The following NBEA variants were observed in gnomAD, a reference collection of about 807,000 sequenced individuals.
NBEA encodes lysosomal-trafficking regulator 2.
NBEA carries 44 observed loss-of-function variants against 343.4 expected under a neutral mutation model. The observed-to-expected ratio is 0.13, with a 90% CI of 0.10 to 0.16. NBEA has a LOEUF of 0.16. NBEA is among the 10% of genes least tolerant of loss of function. The pLI, the probability that NBEA is intolerant of heterozygous loss-of-function variation, is 1.00. For synonymous variants in NBEA, 1,175 were observed against 1,238.7 expected (o/e 0.95, Z 1.08); for missense variants, 2,555 against 3,631.3 (o/e 0.70, Z 7.62).
chr13:35,124,285 T>C (rs2066960559), intron 17 of NBEA, among the ~76,000 whole-genome samples: 1 of 151,362 alleles, frequency 6.6e-6, no homozygotes, highest in Non-Finnish European at 1.5e-5. Flanking sequence ...TACTTAAATT[T>C]GCAAAGCGCT....
At chr13:35,171,475 G>T in intron 26 of NBEA, 23 bp downstream of exon 26, 2 of 1,579,248 alleles carry the variant, frequency 1.3e-6, no homozygotes, top group Non-Finnish European at 1.7e-6. Flanking sequence ...AAACAATAGT[G>T]CATGTCAAAT....
intron 34 of NBEA, among the ~76,000 whole-genome samples, chr13:35,258,657 T>C (rs2032899128): frequency 6.6e-6 from 1 of 152,136 alleles, no homozygotes; most frequent in Non-Finnish European, 1.5e-5. Flanking sequence ...TTAGATACTG[T>C]TGATAATGTT....
chr13:35,264,483 A>G (rs1259984561), intron 34 of NBEA, among the ~76,000 whole-genome samples: 1 of 152,030 alleles, frequency 6.6e-6, no homozygotes, highest in African/African-American at 2.4e-5. Flanking sequence ...ATGGACATGG[A>G]TGCAAAAATC....
intron 55 of NBEA, among the ~76,000 whole-genome samples, chr13:35,656,150 A>C (rs916222823): frequency 6.6e-6 from 1 of 152,246 alleles, no homozygotes; most frequent in African/African-American, 2.4e-5. Flanking sequence ...ACTAACTGCT[A>C]TCTACCATAT....
At chr13:35,651,570 A>G (rs532826380) in intron 52 of NBEA, among the ~76,000 whole-genome samples, 1 of 152,266 alleles carries the variant, frequency 6.6e-6, no homozygotes, top group Non-Finnish European at 1.5e-5. Flanking sequence ...TTTTCTCATC[A>G]TTAGAACAGA....
intron 48 of NBEA, among the ~76,000 whole-genome samples, chr13:35,608,824 A>AT (rs11464690): frequency 0.46 from 70,397 of 151,702 alleles, 16,840 homozygotes; most frequent in African/African-American, 0.57. Context: ...AAGGCACTTG[A>AT]TTTTTTTTAA....
At chr13:34,974,896 A>G (rs1014741583) in intron 1 of NBEA, among the ~76,000 whole-genome samples, 1 of 152,168 alleles carries the variant, frequency 6.6e-6, no homozygotes, top group Non-Finnish European at 1.5e-5. Flanking sequence ...TTAAATACCT[A>G]TTAAACATTG....
intron 46 of NBEA, among the ~76,000 whole-genome samples, chr13:35,592,481 T>C (rs539429820): frequency 7.9e-5 from 12 of 152,270 alleles, no homozygotes; most frequent in Middle Eastern, 3.4e-3. Flanking sequence ...TATTTGAGCA[T>C]ACTGGAGAGC....
intron 55 of NBEA, 116 bp downstream of exon 55, chr13:35,655,865 C>A: frequency 1.1e-6 from 1 of 903,366 alleles, no homozygotes; most frequent in Non-Finnish European, 1.7e-6. Flanking sequence ...AATATGAAAG[C>A]TTAAGTGGCC....
chr13:35,188,906 G>GTT (rs571102808), intron 30 of NBEA, among the ~76,000 whole-genome samples: 5 of 109,772 alleles, frequency 4.6e-5, no homozygotes, highest in South Asian at 2.9e-4. Flanking sequence ...TTTACTTTTT[G>GTT]TTTTTTTTTT....
chr13:35,432,977 A>G (rs79814362), intron 39 of NBEA, among the ~76,000 whole-genome samples: 2,468 of 152,148 alleles, frequency 0.016, 85 homozygotes, highest in African/African-American at 0.056. Flanking sequence ...ATAAAATAGA[A>G]TTTAAAATCT....
intron 1 of NBEA, among the ~76,000 whole-genome samples, chr13:35,003,341 C>T (rs909961465): frequency 6.6e-6 from 1 of 152,010 alleles, no homozygotes; most frequent in Non-Finnish European, 1.5e-5. Flanking sequence ...CTGCACTAGC[C>T]TGGGCAACAG....
intron 30 of NBEA, among the ~76,000 whole-genome samples, chr13:35,190,109 A>G (rs1033638031): frequency 1.3e-5 from 2 of 152,260 alleles, no homozygotes; most frequent in East Asian, 1.9e-4. Context: ...TTTGAACTGT[A>G]TGGAATCTTC....
At chr13:35,133,132 C>A (rs1169721858) in intron 17 of NBEA, among the ~76,000 whole-genome samples, 1 of 151,476 alleles carries the variant, frequency 6.6e-6, no homozygotes, top group African/African-American at 2.4e-5. Flanking sequence ...GGATTTGTAT[C>A]CTAAACATAC....
rs1000309105 is a variant in NBEA at position 35,318,348 on chromosome 13, A to G, written c.5903+8756A>G. On this transcript the variant is annotated intron_variant, in intron 36 of 58. Coordinates refer to ENST00000379939, the MANE Select transcript of NBEA (RefSeq NM_001385012.1). ...TTTATCAAAGGTCTTTTTGACATCT[A>G]TTGAGATAATCATGTGGTTTTTGTC... 5.3e-5 allele frequency among the ~76,000 whole-genome samples: 8 copies of G among 152,140 alleles called. No homozygotes were observed. In the South Asian group the frequency reaches 1.2e-3, roughly 24 times the overall value.
At chr13:35,003,048 C>T (rs566094345) in intron 1 of NBEA, among the ~76,000 whole-genome samples, 9 of 151,990 alleles carry the variant, frequency 5.9e-5, no homozygotes, top group South Asian at 4.2e-4. Context: ...GTACAATGAA[C>T]GAAGAATGCA....
chr13:35,292,580 A>C (rs2035871395), intron 35 of NBEA, among the ~76,000 whole-genome samples: 1 of 151,920 alleles, frequency 6.6e-6, no homozygotes, highest in African/African-American at 2.4e-5. Flanking sequence ...AAAGCTGCAG[A>C]GTTCTGAGTT....
At chr13:35,592,536 G>T (rs1474196922) in intron 46 of NBEA, among the ~76,000 whole-genome samples, 1 of 152,060 alleles carries the variant, frequency 6.6e-6, no homozygotes, top group Middle Eastern at 3.2e-3. Context: ...TGACATCATG[G>T]CTGAGTCTTA....
intron 44 of NBEA, among the ~76,000 whole-genome samples, chr13:35,566,223 C>T (rs1280779563): frequency 3.3e-5 from 5 of 151,854 alleles, no homozygotes; most frequent in South Asian, 2.1e-4. Context: ...TAGCCAGGTG[C>T]GGTGGCGCGT....
Sources: gnomAD v4.1 joint callset for allele counts (sites outside exome capture counted in the v4.1 genomes callset) on GRCh38, gnomAD v4.1.1 for gene constraint, MANE v1.5 for transcripts, NCBI Gene and HGNC (gene_info 2026-07-23, HGNC 2026-07-21) for gene names.